ACTL6B: variants seen among roughly 807,000 people sequenced by gnomAD.
ACTL6B encodes actin-like protein 6B.
In ACTL6B, 48 loss-of-function variants were observed where a neutral mutation model predicts 63.3. That is an observed-to-expected ratio of 0.76 (90% CI 0.60 to 0.96). ACTL6B has a LOEUF of 0.96. Among genes scored for constraint, ACTL6B ranks in the 50% least tolerant of loss-of-function variants. The probability of loss-of-function intolerance (pLI) is 0.00; values close to 1 mark genes in which losing one functional copy is unlikely to be tolerated. For missense variants in ACTL6B, 350 were observed against 572.2 expected (o/e 0.61, Z 3.96); for synonymous variants, 230 against 223.8 (o/e 1.03, Z -0.25).
rs752059926 is a variant in ACTL6B at position 100,647,174 on chromosome 7, G to C, written c.821+49C>G. On this transcript the variant is annotated intron_variant, in intron 9 of 13. Coordinates refer to ENST00000160382, the MANE Select transcript of ACTL6B (RefSeq NM_016188.5). The surrounding 1 kb of genome is among the most constrained non-coding windows in gnomAD (Gnocchi z 4.4). ...CAGAGCCCCCCAGCCCACCCCAAGA[G>C]TGCCGGTTCTGCCCTCTCTCCCACC... is the stretch of plus-strand genomic sequence containing the variant. 1 of 1,448,924 alleles carries C rather than the reference G, an allele frequency of 6.9e-7. No homozygotes were observed. Among genetic ancestry groups the C allele is most frequent in the African/African-American group, 1.4e-5 (1 of 71,054 alleles). The allele number at this position is 1,448,924 out of a possible 1,614,324, so 89.8% of individuals were successfully genotyped here. A position where few individuals can be genotyped will look rare whatever the true frequency, so the allele number is the denominator to read the frequency against.
At position 100,655,480 on chromosome 7, in the gene ACTL6B, T is replaced by C. The variant is rs374805270; in HGVS notation, c.209A>G (p.Asn70Ser). Residue 70 changes from asparagine to serine, a missense_variant, in exon 3 of 14, where the codon AAT (asparagine) becomes AGT (serine). By Grantham distance (46) the Asn-to-Ser change is conservative (BLOSUM62 1). Transcript: ENST00000160382. This position sits in a 1 kb window ranked among gnomAD's most constrained non-coding sequence, Gnocchi z 4.4. ...KKGKIFHIDT[N>S]ALHVPRDGAE... is the part of the protein sequence containing the mutation. ...TCCATCCCGAGGCACGTGCAGGGCA[T>C]TGGTGTCGATGTGGAAGATCTTCCC... The C allele has an allele frequency of 4.3e-6, 7 of 1,613,936 alleles. No individual in the cohort carries two copies. In the African/African-American group the frequency reaches 9.4e-5, roughly 22 times the overall value.
rs746047048 is a variant in ACTL6B at position 100,648,583 on chromosome 7, G to T, written c.642C>A (p.Ile214=). 6 of 1,611,762 alleles carry T rather than the reference G, an allele frequency of 3.7e-6. No individual in the cohort carries two copies. The African/African-American group carries it at 6.7e-5, about 18-fold the overall frequency. ...TGGCTGCGATCATGTAAGGTGGGAT[G>T]ATGTCAATGGCCATCTCCTGGAACA... ...RELFQEMAID[I]IPPYMIAAKE... The change falls in exon 7 of 14, where the codon ATC becomes ATA. Residue 214 remains isoleucine (I), a synonymous_variant. Coordinates refer to ENST00000160382, the MANE Select transcript of ACTL6B (RefSeq NM_016188.5). The surrounding 1 kb of genome is among the most constrained non-coding windows in gnomAD (Gnocchi z 4.4).
rs1803997156 is a variant in ACTL6B, at chr7:100,654,310, G to A, written c.369+709C>T. 2.0e-5 allele frequency among the ~76,000 whole-genome samples: 3 copies of A among 151,056 alleles called. No homozygotes were observed. The South Asian group carries it at 6.3e-4, about 32-fold the overall frequency. ...TTTTATTGTTTTAATAAAAGAGACGGGTCTTGCCATATTGCCTAGGGTGGT... is the reference window on the plus strand; with the variant it reads ...TTTTATTGTTTTAATAAAAGAGACGAGTCTTGCCATATTGCCTAGGGTGGT... On this transcript the variant is annotated intron_variant, in intron 4 of 13. Transcript: ENST00000160382.
chr7:100,648,277 G>A lies in ACTL6B; in HGVS notation c.669+279C>T, dbSNP rs897415229. The A allele has an allele frequency of 1.9e-5, 5 of 267,382 alleles. No homozygotes were observed. Among genetic ancestry groups the A allele is most frequent in the African/African-American group, 6.7e-5 (3 of 44,958 alleles). The allele number at this position is 267,382 out of a possible 1,614,324, so 16.6% of individuals were successfully genotyped here. A position where few individuals can be genotyped will look rare whatever the true frequency, so the allele number is the denominator to read the frequency against. On this transcript the variant is annotated intron_variant, in intron 7 of 13. Coordinates refer to ENST00000160382, the MANE Select transcript of ACTL6B (RefSeq NM_016188.5). The surrounding 1 kb of genome is among the most constrained non-coding windows in gnomAD (Gnocchi z 4.4). The stretch of plus-strand genomic sequence containing the variant: ...CTGACCGGTCCTGCAGCTCTTGCAC[G>A]GCAGAGGCAGAACTTGAACCTGGGT...
intron 1 of ACTL6B, among the ~76,000 whole-genome samples, 193 bp from the exon 2 acceptor site, chr7:100,656,072 C>T (rs1804034916): frequency 6.6e-6 from 1 of 152,242 alleles, no homozygotes; most frequent in African/African-American, 2.4e-5. Context: ...TCCCTTCTTG[C>T]CCAATGGCCT....
chr7:100,643,485 C>A (rs1325561418), intron 13 of ACTL6B, among the ~76,000 whole-genome samples, 159 bp from the exon 14 acceptor site: 1 of 152,182 alleles, frequency 6.6e-6, no homozygotes, highest in Non-Finnish European at 1.5e-5. Context: ...CTCGGTCTGT[C>A]CCCTTTCATA....
Position 100,646,425 on chromosome 7 carries a change from AGG to A in ACTL6B, c.1114-92_1114-91del, listed in dbSNP as rs988840422. The A allele has an allele frequency of 9.7e-6, 15 of 1,549,154 alleles. No individual in the cohort carries two copies. In the African/African-American group the frequency reaches 1.5e-4, roughly 15 times the overall value. On this transcript the variant is annotated intron_variant, in intron 12 of 13. Coordinates refer to ENST00000160382, the MANE Select transcript of ACTL6B (RefSeq NM_016188.5). The surrounding 1 kb of genome is among the most constrained non-coding windows in gnomAD (Gnocchi z 6.1). Reference sequence around the variant, plus strand: ...GAGAGGGGAAGACTTGGGAAGCCACAGGGGCAGGGGTTCTGCTCTGGTGGCCA... The same window carrying A: ...GAGAGGGGAAGACTTGGGAAGCCACAGGCAGGGGTTCTGCTCTGGTGGCCA...
Position 100,646,633 on chromosome 7 carries a change from C to G in ACTL6B, c.1031G>C (p.Ser344Thr). 1 of 1,614,138 alleles carries G rather than the reference C, an allele frequency of 6.2e-7. No individual in the cohort carries two copies. Residue 344 changes from serine to threonine, a missense_variant, in exon 12 of 14, where the codon AGT becomes ACT. By Grantham distance (58) the Ser-to-Thr change is moderately conservative. Transcript: ENST00000160382. The surrounding 1 kb of genome is among the most constrained non-coding windows in gnomAD (Gnocchi z 6.1). ...DIDIRPGLYG[S>T]VIVTGGNTLL... ...TGTGTTCCCGCCGGTGACAATGACA[C>G]TCCCGTACAGGCCCTGAGAGCAGGG... is the stretch of plus-strand genomic sequence containing the variant.
At chr7:100,650,626 C>T (rs932625353) in intron 4 of ACTL6B, among the ~76,000 whole-genome samples, 1 of 152,000 alleles carries the variant, frequency 6.6e-6, no homozygotes, top group African/African-American at 2.4e-5. Flanking sequence ...TGCTTGAACC[C>T]AGGAGTTCGA....
chr7:100,646,364 A>G lies in ACTL6B; in HGVS notation c.1114-29T>C. Reference sequence around the variant, plus strand: ...GGGGTAAAAAGGGGCTGGGGGAAGCAGACACCTAGGTTCTGGGAAGGGACA... The same window carrying G: ...GGGGTAAAAAGGGGCTGGGGGAAGCGGACACCTAGGTTCTGGGAAGGGACA... On this transcript the variant is annotated intron_variant, in intron 12 of 13. Transcript: ENST00000160382. The surrounding 1 kb of genome is among the most constrained non-coding windows in gnomAD (Gnocchi z 6.1). The G allele has an allele frequency of 1.2e-6, 2 of 1,610,432 alleles. No individual in the cohort carries two copies. Among genetic ancestry groups the G allele is most frequent in the Non-Finnish European group, 1.7e-6 (2 of 1,178,216 alleles).
chr7:100,654,052 A>G (rs1429116285), intron 4 of ACTL6B, among the ~76,000 whole-genome samples: 3 of 151,678 alleles, frequency 2.0e-5, no homozygotes, highest in Admixed American at 2.0e-4. Flanking sequence ...AGCTCACTGC[A>G]AGCTCCGCCT....
Position 100,648,585 on chromosome 7 carries a change from T to C in ACTL6B, c.640A>G (p.Ile214Val), listed in dbSNP as rs2131334748. 1.9e-6 allele frequency: 3 copies of C among 1,612,134 alleles called. No individual in the cohort carries two copies. The highest frequency in any genetic ancestry group is 2.2e-5 in the East Asian group (1 of 44,818). ...GCTGCGATCATGTAAGGTGGGATGA[T>C]GTCAATGGCCATCTCCTGGAACAGC... ...RELFQEMAID[I>V]IPPYMIAAKE... Residue 214 changes from isoleucine to valine, a missense_variant, in exon 7 of 14, where the codon ATC (isoleucine) becomes GTC (valine). Physicochemically the swap from Ile to Val is conservative, Grantham distance 29. Around this residue, in one of 3 missense-constraint regions of ACTL6B, gnomAD observed 250 missense variants for 364.7 expected, o/e 0.69. Transcript: ENST00000160382. This position sits in a 1 kb window ranked among gnomAD's most constrained non-coding sequence, Gnocchi z 4.4.
chr7:100,655,342 G>A lies in ACTL6B; in HGVS notation c.268+79C>T, dbSNP rs958333592. On this transcript the variant is annotated intron_variant, in intron 3 of 13. Transcript: ENST00000160382. The surrounding 1 kb of genome is among the most constrained non-coding windows in gnomAD (Gnocchi z 4.4). ...TGGGGCTGCAAGGAAGACTCCGCGG[G>A]GAGTGGGGGCTGCTATGACCCAGAT... is the stretch of plus-strand genomic sequence containing the variant. The A allele has an allele frequency of 8.7e-5, 129 of 1,488,416 alleles. 1 individual carries two copies. In the Middle Eastern group the frequency reaches 1.1e-3, roughly 13 times the overall value. 92.2% of individuals were successfully genotyped at this position (1,488,416 alleles called of 1,614,324 possible). A position where few individuals can be genotyped will look rare whatever the true frequency, so the allele number is the denominator to read the frequency against.
Position 100,655,126 on chromosome 7 carries a change from C to A in ACTL6B, c.269-7G>T, listed in dbSNP as rs1804013926. The A allele has an allele frequency of 6.2e-7, 1 of 1,607,680 alleles. No homozygotes were observed. The highest frequency in any genetic ancestry group is 1.3e-5 in the African/African-American group (1 of 74,708). On this transcript the variant is annotated splice_region_variant and splice_polypyrimidine_tract_variant and intron_variant, in intron 3 of 13. Coordinates refer to ENST00000160382, the MANE Select transcript of ACTL6B (RefSeq NM_016188.5). The surrounding 1 kb of genome is among the most constrained non-coding windows in gnomAD (Gnocchi z 4.4). ...AAGCACTCCCAGTCCTCGACTGGGGCCAGAAGAGCAGCGTGCAGAGACGCA... is the reference window on the plus strand; with the variant it reads ...AAGCACTCCCAGTCCTCGACTGGGGACAGAAGAGCAGCGTGCAGAGACGCA...
At chr7:100,650,557 C>T (rs971511043) in intron 4 of ACTL6B, among the ~76,000 whole-genome samples, 3 of 152,072 alleles carry the variant, frequency 2.0e-5, no homozygotes, top group Non-Finnish European at 4.4e-5. Flanking sequence ...TTTGCACAGG[C>T]CAGACAGGGT....
At chr7:100,643,406 T>A in intron 13 of ACTL6B, 80 bp from the exon 14 acceptor site, 1 of 1,471,974 alleles carries the variant, frequency 6.8e-7, no homozygotes, top group Non-Finnish European at 9.4e-7. Context: ...CTGGGAATCC[T>A]CCAACAGGCC....
chr7:100,648,413 G>A lies in ACTL6B; in HGVS notation c.669+143C>T, dbSNP rs939773353. The A allele has an allele frequency of 1.3e-5, 9 of 695,792 alleles. No individual in the cohort carries two copies. Among genetic ancestry groups the A allele is most frequent in the African/African-American group, 5.4e-5 (3 of 55,222 alleles). 43.1% of individuals were successfully genotyped at this position (695,792 alleles called of 1,614,324 possible). A position where few individuals can be genotyped will look rare whatever the true frequency, so the allele number is the denominator to read the frequency against. ...AGCCTGTCTGGATTTCGGATGCCTC[G>A]ATTATAAAAGGAGGAACTGGAGCCA... On this transcript the variant is annotated intron_variant, in intron 7 of 13. Coordinates refer to ENST00000160382, the MANE Select transcript of ACTL6B (RefSeq NM_016188.5). The surrounding 1 kb of genome is among the most constrained non-coding windows in gnomAD (Gnocchi z 4.4).
In ACTL6B at chr7:100,646,398, G is replaced by T. The variant is rs1245832402; in HGVS notation, c.1114-63C>A. 4.4e-6 allele frequency: 7 copies of T among 1,585,472 alleles called. No individual in the cohort carries two copies. Reference sequence around the variant, plus strand: ...GGTTCTGGGAAGGGACAGGGCTTGGGGGAGAGGGGAAGACTTGGGAAGCCA... The same window carrying T: ...GGTTCTGGGAAGGGACAGGGCTTGGTGGAGAGGGGAAGACTTGGGAAGCCA... On this transcript the variant is annotated intron_variant, in intron 12 of 13. Coordinates refer to ENST00000160382, the MANE Select transcript of ACTL6B (RefSeq NM_016188.5). This position sits in a 1 kb window ranked among gnomAD's most constrained non-coding sequence, Gnocchi z 6.1.
At chr7:100,653,690 A>G (rs1356790781) in intron 4 of ACTL6B, among the ~76,000 whole-genome samples, 1 of 151,836 alleles carries the variant, frequency 6.6e-6, no homozygotes, top group African/African-American at 2.4e-5. Flanking sequence ...AACCCCAAAC[A>G]ACAACAACAA....
Sources: gnomAD v4.1 joint callset for allele counts (sites outside exome capture counted in the v4.1 genomes callset) on GRCh38, gnomAD v4.1.1 for gene constraint, gnomAD v4.1.1 regional missense constraint, Gnocchi (gnomAD v3.1) non-coding constraint, MANE v1.5 for transcripts, NCBI Gene and HGNC (gene_info 2026-07-23, HGNC 2026-07-21) for gene names.